SIPA1L1: variants seen among roughly 807,000 people sequenced by gnomAD.
SIPA1L1 encodes the protein signal-induced proliferation-associated 1-like protein 1.
Under a neutral mutation model 162.7 loss-of-function variants are expected in SIPA1L1, and 26 were observed. The observed-to-expected ratio is 0.16, with a 90% confidence interval of 0.12 to 0.22. SIPA1L1 has a LOEUF of 0.22. Among genes scored for constraint, SIPA1L1 ranks in the 10% least tolerant of loss-of-function variants. The probability of loss-of-function intolerance (pLI) is 1.00; values close to 1 mark genes in which losing one functional copy is unlikely to be tolerated. For missense variants in SIPA1L1, 1,874 were observed against 2,241.0 expected (o/e 0.84, Z 3.31); for synonymous variants, 829 against 837.4 (o/e 0.99, Z 0.17).
chr14:71,467,676 G>A (rs1049167954), intron 2 of SIPA1L1, among the ~76,000 whole-genome samples: 4 of 152,018 alleles, frequency 2.6e-5, no homozygotes, highest in African/African-American at 9.7e-5. Context: ...GAGAGACAAT[G>A]TCATGCCTAG....
intron 5 of SIPA1L1, among the ~76,000 whole-genome samples, chr14:71,592,078 A>G (rs541163158): frequency 6.6e-6 from 1 of 152,322 alleles, no homozygotes; most frequent in East Asian, 1.9e-4. Flanking sequence ...TATGGCACCT[A>G]GGGATCACCC....
chr14:71,669,010 A>C (rs994749601), intron 10 of SIPA1L1, among the ~76,000 whole-genome samples: 1 of 152,200 alleles, frequency 6.6e-6, no homozygotes, highest in Admixed American at 6.5e-5. Context: ...GTGGCATCTA[A>C]ATTAATGAGC....
intron 5 of SIPA1L1, among the ~76,000 whole-genome samples, chr14:71,605,433 A>G (rs1479209978): frequency 6.6e-6 from 1 of 151,868 alleles, no homozygotes. Context: ...AAGATGTCAT[A>G]TTTCTTAGTT....
At chr14:71,454,501 C>T (rs960319196) in intron 2 of SIPA1L1, among the ~76,000 whole-genome samples, 14 of 152,060 alleles carry the variant, frequency 9.2e-5, no homozygotes, top group African/African-American at 2.9e-4. Context: ...ATTAAAGCAT[C>T]TAATTAAAGG....
Position 71,703,112 on chromosome 14 carries a change from A to G in SIPA1L1, c.3646+607A>G, listed in dbSNP as rs535183936. ...ATATATGTTGTTTCACAGTGACACC[A>G]TAACACTAGTTGATACAATAACATT... On this transcript the variant is annotated intron_variant, in intron 15 of 23. Transcript: ENST00000381232. 1.6e-4 allele frequency among the ~76,000 whole-genome samples: 24 copies of G among 152,346 alleles called. 1 individual carries two copies. Among genetic ancestry groups the G allele is most frequent in the Admixed American group, 5.9e-4 (9 of 15,310 alleles).
rs554868843 is a variant in SIPA1L1 at position 71,651,544 on chromosome 14, G to A, written c.1993+1035G>A. ...AACATTCTGTACTCTGCTTGCAACT[G>A]CATAAAGATGTTAAATTTCAGTATG... On this transcript the variant is annotated intron_variant, in intron 8 of 23. Transcript: ENST00000381232. Among the ~76,000 whole-genome samples the A allele has an allele frequency of 2.0e-5, 3 of 152,282 alleles. No individual in the cohort carries two copies. The East Asian group carries it at 5.8e-4, about 29-fold the overall frequency.
At chr14:71,597,807 T>C (rs1326661369) in intron 5 of SIPA1L1, among the ~76,000 whole-genome samples, 1 of 152,126 alleles carries the variant, frequency 6.6e-6, no homozygotes, top group African/African-American at 2.4e-5. Context: ...ACCCCTCTCC[T>C]GCAAGGTTTA....
At position 71,651,656 on chromosome 14, in the gene SIPA1L1, A is replaced by G. The variant is rs540835035; in HGVS notation, c.1993+1147A>G. Among the ~76,000 whole-genome samples, 23 of 152,316 alleles carry G rather than the reference A, an allele frequency of 1.5e-4. No homozygotes were observed. The South Asian group carries it at 2.3e-3, about 15-fold the overall frequency. On this transcript the variant is annotated intron_variant, in intron 8 of 23. Coordinates refer to ENST00000381232, the MANE Select transcript of SIPA1L1 (RefSeq NM_001386936.1). ...CCCCATTTGTTGTGCTGTATAAATTATCACTACCACAAACAGTTATTGAAA... is the reference window on the plus strand; with the variant it reads ...CCCCATTTGTTGTGCTGTATAAATTGTCACTACCACAAACAGTTATTGAAA...
At chr14:71,572,756 T>C (rs1328569102) in intron 4 of SIPA1L1, among the ~76,000 whole-genome samples, 1 of 152,106 alleles carries the variant, frequency 6.6e-6, no homozygotes, top group African/African-American at 2.4e-5. Flanking sequence ...GTAGGAAAAA[T>C]TAAGCGTAGG....
At chr14:71,357,951 C>T (rs1433524243) in intron 2 of SIPA1L1, among the ~76,000 whole-genome samples, 2 of 152,116 alleles carry the variant, frequency 1.3e-5, no homozygotes, top group Admixed American at 6.5e-5. Context: ...AGGTTGGTCT[C>T]GAACTCCTGA....
chr14:71,367,909 CTTTTTTTTT>C (rs543910059), intron 2 of SIPA1L1, among the ~76,000 whole-genome samples: 2 of 127,026 alleles, frequency 1.6e-5, no homozygotes, highest in African/African-American at 5.8e-5. Flanking sequence ...GCCGGCCTTC[CTTTTTTTTT>C]TTTTTTTTTT....
chr14:71,461,382 A>G (rs755270562), intron 2 of SIPA1L1, among the ~76,000 whole-genome samples: 5 of 152,136 alleles, frequency 3.3e-5, no homozygotes, highest in Non-Finnish European at 5.9e-5. Context: ...CACTATGATC[A>G]TTTTGTTCAT....
chr14:71,563,917 G>C (rs1189955427), intron 4 of SIPA1L1, among the ~76,000 whole-genome samples: 1 of 152,160 alleles, frequency 6.6e-6, no homozygotes, highest in African/African-American at 2.4e-5. Context: ...TACAGAAAGT[G>C]CTCAGTAGAT....
At chr14:71,511,831 A>G (rs140726857) in intron 2 of SIPA1L1, among the ~76,000 whole-genome samples, 1 of 152,264 alleles carries the variant, frequency 6.6e-6, no homozygotes, top group Non-Finnish European at 1.5e-5. Flanking sequence ...GATGGGCCGG[A>G]GGTTTAGAGA....
chr14:71,408,756 T>C (rs1251252908), intron 2 of SIPA1L1, among the ~76,000 whole-genome samples: 2 of 152,194 alleles, frequency 1.3e-5, no homozygotes, highest in East Asian at 3.9e-4. Flanking sequence ...ACCAGTTGGT[T>C]CAGAATCACA....
chr14:71,388,173 T>TA (rs749184423), intron 2 of SIPA1L1, among the ~76,000 whole-genome samples: 19 of 152,232 alleles, frequency 1.2e-4, no homozygotes, highest in Non-Finnish European at 2.5e-4. Flanking sequence ...AGTCAGTAGA[T>TA]ACTGCAAAAT....
At chr14:71,498,077 C>A (rs910846309) in intron 2 of SIPA1L1, among the ~76,000 whole-genome samples, 1 of 152,186 alleles carries the variant, frequency 6.6e-6, no homozygotes, top group South Asian at 2.1e-4. Context: ...TTGCATCTCC[C>A]TAATGGCTAA....
At chr14:71,500,444 T>TCTTACTG (rs2050116915) in intron 2 of SIPA1L1, among the ~76,000 whole-genome samples, 1 of 152,228 alleles carries the variant, frequency 6.6e-6, no homozygotes, top group African/African-American at 2.4e-5. Context: ...ACAGTTGTAT[T>TCTTACTG]ATTATATTCT....
intron 6 of SIPA1L1, among the ~76,000 whole-genome samples, chr14:71,620,289 G>A (rs1028626532): frequency 1.3e-5 from 2 of 152,134 alleles, no homozygotes; most frequent in Admixed American, 6.5e-5. Context: ...GGCTGGTCTC[G>A]AACTCCCGAC....
Sources: allele counts gnomAD v4.1 joint callset (sites outside exome capture counted in the v4.1 genomes callset), GRCh38; gene constraint gnomAD v4.1.1; transcripts MANE v1.5; gene names NCBI Gene and HGNC (gene_info 2026-07-23, HGNC 2026-07-21).